Variants in STK3 observed in about 807,000 individuals in gnomAD.
STK3 encodes the protein serine/threonine-protein kinase 3.
In STK3, 41 loss-of-function variants were observed where a neutral mutation model predicts 58.0. The observed-to-expected ratio is 0.71, with a 90% CI of 0.55 to 0.92. STK3 has a LOEUF of 0.92. Ranked by LOEUF, STK3 falls within the 40% of genes least tolerant of loss-of-function variation. The pLI, the probability that STK3 is intolerant of heterozygous loss-of-function variation, is 0.00. For synonymous variants in STK3, 170 were observed against 191.0 expected (o/e 0.89, Z 0.91); for missense variants, 479 against 602.7 (o/e 0.79, Z 2.15).
chr8:98,501,348 G>T (rs901389515), intron 10 of STK3, among the ~76,000 whole-genome samples: 38 of 152,066 alleles, frequency 2.5e-4, no homozygotes, highest in Admixed American at 2.4e-3. Context: ...CTTCCACTCT[G>T]TAGATTGCCT....
intron 1 of STK3, among the ~76,000 whole-genome samples, chr8:98,780,034 A>C (rs1237531858): frequency 6.6e-6 from 1 of 152,090 alleles, no homozygotes; most frequent in Non-Finnish European, 1.5e-5. Context: ...ATAAAAGTAG[A>C]TATGCTGACA....
downstream of STK3, chr8:98,882,326 T>C (rs1023309362): frequency 1.3e-5 from 2 of 152,116 alleles, no homozygotes; most frequent in Non-Finnish European, 2.9e-5. Flanking sequence ...TGATACATTT[T>C]AGGAATAAGT....
intron 6 of STK3, among the ~76,000 whole-genome samples, chr8:98,691,590 A>G (rs1054164349): frequency 2.6e-5 from 4 of 152,116 alleles, no homozygotes; most frequent in African/African-American, 7.2e-5. Flanking sequence ...TAGAAACAAC[A>G]AGCAGGTCAG....
chr8:98,807,089 G>A (rs1833929863), intron 1 of STK3, among the ~76,000 whole-genome samples: 1 of 149,176 alleles, frequency 6.7e-6, no homozygotes, highest in Non-Finnish European at 1.5e-5. Context: ...AGGAGGTAGA[G>A]CTTGCAGTGA....
rs1384199794 is a variant in STK3 at position 98,800,199 on chromosome 8, G to A, written c.26+25316C>T. 6.6e-6 allele frequency among the ~76,000 whole-genome samples: 1 copy of A among 152,094 alleles called. No individual in the cohort carries two copies. On this transcript the variant is annotated intron_variant, in intron 1 of 10. Transcript: ENST00000419617. The surrounding 1 kb of genome is among the most constrained non-coding windows in gnomAD (Gnocchi z 4.8). ...AATTGAGGCCACCAAGCTACAGATG[G>A]TCTTACAAATGGAACCTCAAATGAG...
chr8:98,502,746 G>T (rs1465984088), intron 10 of STK3, among the ~76,000 whole-genome samples: 5 of 152,162 alleles, frequency 3.3e-5, no homozygotes, highest in Non-Finnish European at 4.4e-5. Context: ...GCATCCCAGG[G>T]ATGAAGCTGA....
At chr8:98,480,651 T>G (rs1012674003) in intron 10 of STK3, among the ~76,000 whole-genome samples, 2 of 152,094 alleles carry the variant, frequency 1.3e-5, no homozygotes, top group African/African-American at 4.8e-5. Flanking sequence ...TGACAATATC[T>G]CTCTATAACA....
At chr8:98,915,277 A>G (rs1399156237) in intron 1 of STK3, among the ~76,000 whole-genome samples, 5 of 151,704 alleles carry the variant, frequency 3.3e-5, no homozygotes. Context: ...CTCCCGGACT[A>G]TATCTTTCTC....
At chr8:98,771,569 A>C (rs949193880) in intron 2 of STK3, among the ~76,000 whole-genome samples, 2 of 151,522 alleles carry the variant, frequency 1.3e-5, no homozygotes, top group Admixed American at 1.3e-4. Context: ...ACATATACGT[A>C]TCTTTTTTTT....
chr8:98,879,449 A>G (rs534008175), downstream of STK3: 1 of 152,336 alleles, frequency 6.6e-6, no homozygotes, highest in South Asian at 2.1e-4. Flanking sequence ...GGACTAGGAT[A>G]TCCATATCAA....
At chr8:98,656,425 T>C (rs1275405294) in intron 6 of STK3, among the ~76,000 whole-genome samples, 1 of 152,114 alleles carries the variant, frequency 6.6e-6, no homozygotes, top group Non-Finnish European at 1.5e-5. Flanking sequence ...GCATGGCACG[T>C]GTATACATAT....
intron 6 of STK3, among the ~76,000 whole-genome samples, chr8:98,609,720 G>A (rs1046372513): frequency 6.6e-6 from 1 of 152,158 alleles, no homozygotes; most frequent in Non-Finnish European, 1.5e-5. Flanking sequence ...CAGCACTTTG[G>A]GAGGCTGACG....
chr8:98,692,880 G>A (rs1295218058), intron 6 of STK3, among the ~76,000 whole-genome samples: 2 of 151,980 alleles, frequency 1.3e-5, no homozygotes, highest in East Asian at 1.9e-4. Context: ...AGTGTAGTGA[G>A]TTGAAAAATG....
upstream of STK3, among the ~76,000 whole-genome samples, chr8:98,390,573 A>C (rs1440348566): frequency 5.3e-5 from 8 of 152,086 alleles, no homozygotes; most frequent in African/African-American, 1.9e-4. Context: ...TCTTTCACCA[A>C]ATTTGATAAT....
intron 1 of STK3, among the ~76,000 whole-genome samples, chr8:98,810,519 A>G (rs1349733406): frequency 6.6e-6 from 1 of 151,960 alleles, no homozygotes; most frequent in Non-Finnish European, 1.5e-5. Flanking sequence ...TTCCCTGATT[A>G]CTAGTGATGT....
At chr8:98,419,972 T>C (rs1196642395) in intron 3 of STK3, among the ~76,000 whole-genome samples, 2 of 152,192 alleles carry the variant, frequency 1.3e-5, no homozygotes, top group East Asian at 1.9e-4. Context: ...GGAAGGATAC[T>C]GATCTTGGAA....
chr8:98,476,792 C>G (rs1821346129), intron 10 of STK3, among the ~76,000 whole-genome samples: 1 of 152,156 alleles, frequency 6.6e-6, no homozygotes, highest in African/African-American at 2.4e-5. Context: ...TTTCCAAATT[C>G]TCTAACATCT....
At chr8:98,434,186 A>T (rs1299506435) in exon 3 of STK3, 1 of 152,266 alleles carries the variant, frequency 6.6e-6, no homozygotes, top group Non-Finnish European at 1.5e-5. Flanking sequence ...AAGGGTGTAG[A>T]AATCTGTGTT....
chr8:98,681,335 C>T (rs951784422), intron 6 of STK3, among the ~76,000 whole-genome samples: 24 of 151,836 alleles, frequency 1.6e-4, no homozygotes, highest in South Asian at 4.2e-4. Context: ...ACCCCCAAAG[C>T]GATTCATCTT....
Sources: allele counts gnomAD v4.1 joint callset (sites outside exome capture counted in the v4.1 genomes callset), GRCh38; gene constraint gnomAD v4.1.1; non-coding constraint Gnocchi (gnomAD v3.1); transcripts MANE v1.5; gene names NCBI Gene and HGNC (gene_info 2026-07-23, HGNC 2026-07-21).